The following TAFA2 variants were observed in gnomAD, a reference collection of about 807,000 sequenced individuals.
TAFA2 encodes the protein TAFA chemokine like family member 2, also known as chemokine-like protein TAFA-2.
Under a neutral mutation model 18.8 loss-of-function variants are expected in TAFA2, and 7 were observed. That is an observed-to-expected ratio of 0.37 (90% CI 0.21 to 0.70). TAFA2 has a LOEUF of 0.70. Among genes scored for constraint, TAFA2 ranks in the 30% least tolerant of loss-of-function variants. TAFA2 has a pLI of 0.53. For synonymous variants in TAFA2, 60 were observed against 54.2 expected (o/e 1.11, Z -0.47); for missense variants, 122 against 158.1 (o/e 0.77, Z 1.23).
intron 1 of TAFA2, among the ~76,000 whole-genome samples, chr12:62,227,710 T>C (rs888002730): frequency 2.0e-5 from 3 of 152,244 alleles, no homozygotes; most frequent in African/African-American, 4.8e-5. Context: ...ACCAATGTCC[T>C]GAAGCGTTTC....
intron 1 of TAFA2, among the ~76,000 whole-genome samples, chr12:62,218,113 A>G (rs1332748793): frequency 6.6e-6 from 1 of 151,776 alleles, no homozygotes; most frequent in Non-Finnish European, 1.5e-5. Flanking sequence ...CTCCCACTTC[A>G]GTCTCCCAAG....
At chr12:61,957,288 T>C (rs1362369284) in intron 1 of TAFA2, among the ~76,000 whole-genome samples, 1 of 152,152 alleles carries the variant, frequency 6.6e-6, no homozygotes, top group African/African-American at 2.4e-5. Flanking sequence ...AAGAAAAAGT[T>C]CTGACACTTG....
At chr12:61,838,699 T>C (rs1306285004) in intron 2 of TAFA2, among the ~76,000 whole-genome samples, 2 of 152,072 alleles carry the variant, frequency 1.3e-5, no homozygotes, top group African/African-American at 4.8e-5. Flanking sequence ...TTTCCAGGCA[T>C]TTATTAAAAG....
chr12:62,002,868 A>G (rs761321523), intron 1 of TAFA2, among the ~76,000 whole-genome samples: 6 of 152,050 alleles, frequency 3.9e-5, no homozygotes, highest in Non-Finnish European at 8.8e-5. Context: ...CTATCTTTCT[A>G]CCTTATTCCT....
chr12:62,061,337 T>G (rs1305072052), intron 1 of TAFA2, among the ~76,000 whole-genome samples: 9 of 152,228 alleles, frequency 5.9e-5, no homozygotes, highest in Admixed American at 5.9e-4. Context: ...TACTTACCAT[T>G]ATGTTACAAT....
intron 1 of TAFA2, among the ~76,000 whole-genome samples, chr12:62,171,929 A>T (rs961890165): frequency 6.6e-6 from 1 of 152,164 alleles, no homozygotes; most frequent in Admixed American, 6.5e-5. Flanking sequence ...ATATTTATCT[A>T]TTATAATACT....
At chr12:61,994,033 T>C (rs931426568) in intron 1 of TAFA2, among the ~76,000 whole-genome samples, 2 of 152,176 alleles carry the variant, frequency 1.3e-5, no homozygotes, top group African/African-American at 4.8e-5. Flanking sequence ...CACAACTTTG[T>C]AACTAACACT....
chr12:62,126,067 A>G (rs1870446506), intron 1 of TAFA2, among the ~76,000 whole-genome samples: 1 of 152,126 alleles, frequency 6.6e-6, no homozygotes, highest in African/African-American at 2.4e-5. Context: ...CAGTTGTCTT[A>G]GTGTGGTTTA....
At chr12:61,911,231 A>C (rs1876597699) in intron 1 of TAFA2, among the ~76,000 whole-genome samples, 1 of 152,182 alleles carries the variant, frequency 6.6e-6, no homozygotes, top group South Asian at 2.1e-4. Flanking sequence ...ACTCAGCAGC[A>C]GGAGGATCCC....
intron 1 of TAFA2, among the ~76,000 whole-genome samples, chr12:62,037,357 CCTT>C (rs1457525616): frequency 3.3e-5 from 5 of 152,204 alleles, no homozygotes; most frequent in African/African-American, 1.2e-4. Context: ...CCAAAAGAAT[CCTT>C]CTGATCCATG....
rs528039973 is a variant in TAFA2 at position 61,817,607 on chromosome 12, C to A, written c.106+49713G>T. 7.0e-4 allele frequency among the ~76,000 whole-genome samples: 106 copies of A among 152,144 alleles called. 2 individuals are homozygous for A. In the South Asian group the frequency reaches 0.021, roughly 30 times the overall value. On this transcript the variant is annotated intron_variant, in intron 2 of 4. Coordinates refer to ENST00000416284, the MANE Select transcript of TAFA2 (RefSeq NM_178539.5). ...TTAAAGTTAGTGTTTTAAAGAGGTT[C>A]TTTTTGTGTTAAGTGGCAGCTAGGT...
At chr12:61,832,287 G>A (rs1175289821) in intron 2 of TAFA2, among the ~76,000 whole-genome samples, 2 of 152,032 alleles carry the variant, frequency 1.3e-5, no homozygotes, top group Non-Finnish European at 2.9e-5. Context: ...CCTGCCAGAT[G>A]TTCCCTCTGG....
intron 1 of TAFA2, among the ~76,000 whole-genome samples, chr12:61,932,039 T>C (rs910697919): frequency 6.6e-6 from 1 of 152,234 alleles, no homozygotes; most frequent in Non-Finnish European, 1.5e-5. Context: ...TTATAAATCA[T>C]TGAATCATTT....
intron 1 of TAFA2, among the ~76,000 whole-genome samples, chr12:62,057,030 TG>T (rs893489473): frequency 7.9e-5 from 12 of 152,204 alleles, no homozygotes; most frequent in African/African-American, 2.9e-4. Flanking sequence ...TGCTATTCCC[TG>T]GAAACCTTTT....
intron 1 of TAFA2, among the ~76,000 whole-genome samples, chr12:62,125,364 T>C (rs1870407484): frequency 6.6e-6 from 1 of 152,106 alleles, no homozygotes. Context: ...ACAGATCACA[T>C]GCCCATGAAG....
At chr12:62,112,500 G>A (rs1403843732) in intron 1 of TAFA2, among the ~76,000 whole-genome samples, 2 of 152,072 alleles carry the variant, frequency 1.3e-5, no homozygotes, top group African/African-American at 4.8e-5. Context: ...TCTTTGTGGT[G>A]TTCTCTGTAT....
intron 1 of TAFA2, chr12:62,207,377 G>A (rs878992511): frequency 1.3e-5 from 2 of 152,110 alleles, no homozygotes; most frequent in Non-Finnish European, 2.9e-5. Context: ...GATCCTAAGA[G>A]TTACATTCTC....
At chr12:61,867,004 G>T (rs1335081311) in intron 2 of TAFA2, among the ~76,000 whole-genome samples, 1 of 151,668 alleles carries the variant, frequency 6.6e-6, no homozygotes, top group African/African-American at 2.4e-5. Context: ...TGTTACGTAT[G>T]TATACATGTG....
chr12:61,896,503 G>T (rs1294998531), intron 1 of TAFA2, among the ~76,000 whole-genome samples: 1 of 152,126 alleles, frequency 6.6e-6, no homozygotes, highest in East Asian at 1.9e-4. Flanking sequence ...TCACATCATT[G>T]TTCCTGATAT....
Sources: gnomAD v4.1 joint callset for allele counts (sites outside exome capture counted in the v4.1 genomes callset) on GRCh38, gnomAD v4.1.1 for gene constraint, MANE v1.5 for transcripts, NCBI Gene and HGNC (gene_info 2026-07-23, HGNC 2026-07-21) for gene names.